LHX5: variants seen among roughly 807,000 people sequenced by gnomAD.
LHX5 encodes LIM/homeobox protein Lhx5.
A neutral mutation model predicts 30.6 loss-of-function variants in LHX5; 5 were observed. The ratio of observed to expected loss-of-function variants is 0.16; its 90% CI spans 0.09 to 0.34. The LOEUF (loss-of-function observed/expected upper bound fraction) is 0.34. Among genes scored for constraint, LHX5 ranks in the 10% least tolerant of loss-of-function variants. The pLI is 1.00. For missense variants in LHX5, 458 were observed against 570.6 expected (o/e 0.80, Z 2.01); for synonymous variants, 266 against 252.6 (o/e 1.05, Z -0.50).
In LHX5 at chr12:113,467,455, C is replaced by T. The variant is rs1371221560; in HGVS notation, c.676-34G>A. ...GAGGAGGGGGCTGTGAACCCAGGAT[C>T]AGGAGTGTCCTCTCCCCCCCTCTTC... is the stretch of plus-strand genomic sequence containing the variant. On this transcript the variant is annotated intron_variant, in intron 3 of 4. Coordinates refer to ENST00000261731, the MANE Select transcript of LHX5 (RefSeq NM_022363.3). This position sits in a 1 kb window ranked among gnomAD's most constrained non-coding sequence, Gnocchi z 6.3. The T allele has an allele frequency of 6.9e-7, 1 of 1,445,128 alleles. No homozygotes were observed. 89.5% of individuals were successfully genotyped at this position (1,445,128 alleles called of 1,614,324 possible).
rs745532026 is a variant in LHX5 at position 113,468,328 on chromosome 12, G to A, written c.474C>T (p.Asn158=). The part of the protein sequence containing the change: ...ALQDDPKETD[N]STSSDKETAN... ...CCGTCTCCTTGTCCGACGAGGTCGA[G>A]TTGTCCGTCTCTTTGGGGTCGTCCT... The change falls in exon 3 of 5, where the codon AAC becomes AAT. Residue 158 remains asparagine, a synonymous_variant. Coordinates refer to ENST00000261731, the MANE Select transcript of LHX5 (RefSeq NM_022363.3). 5 of 1,614,052 alleles carry A rather than the reference G, an allele frequency of 3.1e-6. No homozygotes were observed. Among genetic ancestry groups the A allele is most frequent in the African/African-American group, 2.7e-5 (2 of 74,944 alleles).
intron 3 of LHX5, 59 bp downstream of exon 3, chr12:113,468,068 C>G: frequency 6.9e-7 from 1 of 1,457,868 alleles, no homozygotes; most frequent in Non-Finnish European, 9.0e-7. Context: ...GAGACTCCTC[C>G]GAGGCTCCCG....
rs1214691518 is a variant in LHX5, at chr12:113,466,097, TG to T, written c.841+1158del. ...CCCTTCCCTTCTGCGTCTACCTGGG[TG>T]CCTAGCTCCTGCCTTGCTAACACTG... On this transcript the variant is annotated intron_variant, in intron 4 of 4. Coordinates refer to ENST00000261731, the MANE Select transcript of LHX5 (RefSeq NM_022363.3). The surrounding 1 kb of genome is among the most constrained non-coding windows in gnomAD (Gnocchi z 6.5). 6.6e-6 allele frequency among the ~76,000 whole-genome samples: 1 copy of T among 152,188 alleles called. No homozygotes were observed. Among genetic ancestry groups the T allele is most frequent in the African/African-American group, 2.4e-5 (1 of 41,456 alleles).
rs1016444795 is a variant in LHX5 at position 113,468,256 on chromosome 12, G to A, written c.546C>T (p.Gly182=). 23 of 1,613,986 alleles carry A rather than the reference G, an allele frequency of 1.4e-5. No individual in the cohort carries two copies. Among genetic ancestry groups the A allele is most frequent in the Non-Finnish European group, 1.8e-5 (21 of 1,179,960 alleles). ...EEQNSGTKRR[G]PRTTIKAKQL... is the part of the protein sequence containing the mutation. ...GCTTGGCCTTGATGGTGGTGCGGGGGCCGCGCCGCTTGGTGCCCGAGTTCT... is the reference window on the plus strand; with the variant it reads ...GCTTGGCCTTGATGGTGGTGCGGGGACCGCGCCGCTTGGTGCCCGAGTTCT... The change falls in exon 3 of 5, where the codon GGC becomes GGT. Residue 182 remains glycine, a synonymous_variant. Transcript: ENST00000261731.
In LHX5 at chr12:113,465,157, G is replaced by A. The variant is rs1958204831; in HGVS notation, c.842-1600C>T. Reference sequence around the variant, plus strand: ...GTCCAAATGGGGGGTGTCTGGAGGCGTGGCTTGGAGGCAGTTTAAGCAACA... The same window carrying A: ...GTCCAAATGGGGGGTGTCTGGAGGCATGGCTTGGAGGCAGTTTAAGCAACA... On this transcript the variant is annotated intron_variant, in intron 4 of 4. Coordinates refer to ENST00000261731, the MANE Select transcript of LHX5 (RefSeq NM_022363.3). This position sits in a 1 kb window ranked among gnomAD's most constrained non-coding sequence, Gnocchi z 6.7. Among the ~76,000 whole-genome samples, 1 of 152,248 alleles carries A rather than the reference G, an allele frequency of 6.6e-6. No individual in the cohort carries two copies. The highest frequency in any genetic ancestry group is 6.5e-5 in the Admixed American group (1 of 15,290).
rs1304339491 is a variant in LHX5, at chr12:113,465,640, A to C, written c.841+1616T>G. On this transcript the variant is annotated intron_variant, in intron 4 of 4. Transcript: ENST00000261731. This position sits in a 1 kb window ranked among gnomAD's most constrained non-coding sequence, Gnocchi z 6.7. ...ACCTCATCCAGCGCGCAGGGAGAGGAGGCGGTGGGATAGGTCGGGGCGGGG... is the reference window on the plus strand; with the variant it reads ...ACCTCATCCAGCGCGCAGGGAGAGGCGGCGGTGGGATAGGTCGGGGCGGGG... 6.6e-6 allele frequency among the ~76,000 whole-genome samples: 1 copy of C among 152,110 alleles called. No homozygotes were observed. The highest frequency in any genetic ancestry group is 2.1e-4 in the South Asian group (1 of 4,826).
In LHX5 at chr12:113,467,246, C is replaced by A; in HGVS notation, c.841+10G>T. ...AGGTGCGGAACAGCGAATCCCGGGG[C>A]GCCCCTTACCTCCGTAGTAGGTGTA... is the stretch of plus-strand genomic sequence containing the variant. On this transcript the variant is annotated intron_variant, in intron 4 of 4. Coordinates refer to ENST00000261731, the MANE Select transcript of LHX5 (RefSeq NM_022363.3). The surrounding 1 kb of genome is among the most constrained non-coding windows in gnomAD (Gnocchi z 6.3). The A allele has an allele frequency of 1.4e-6, 2 of 1,437,416 alleles. No homozygotes were observed. Among genetic ancestry groups the A allele is most frequent in the East Asian group, 2.7e-5 (1 of 37,510 alleles). 89.0% of individuals were successfully genotyped at this position (1,437,416 alleles called of 1,614,324 possible).
chr12:113,469,078 AG>A, intron 2 of LHX5, 43 bp downstream of exon 2: 1 of 1,444,298 alleles, frequency 6.9e-7, no homozygotes, highest in Non-Finnish European at 9.5e-7. Context: ...GCACGGTGGG[AG>A]GGTGCTAAGG....
Position 113,471,339 on chromosome 12 carries a change from T to C in LHX5, c.160A>G (p.Asn54Asp). The change falls in exon 1 of 5, where the codon AAT becomes GAT. Residue 54 changes from asparagine (N) to aspartate (D), a missense_variant. Physicochemically the swap from Asn to Asp is conservative, Grantham distance 23. This residue lies in a region of LHX5 where 178 missense variants were observed against 238.5 expected (regional missense o/e 0.75). Coordinates refer to ENST00000261731, the MANE Select transcript of LHX5 (RefSeq NM_022363.3). ...GCGGCCTCTTACCTGAAAAAGTCAT[T>C]TTTGCAGTAGAGCTTGCCCTCGCGC... ...FSREGKLYCKNDFFRRFGTKC... is the reference protein window; with the variant it reads ...FSREGKLYCKDDFFRRFGTKC... The C allele has an allele frequency of 6.2e-7, 1 of 1,613,836 alleles. No individual in the cohort carries two copies. The highest frequency in any genetic ancestry group is 8.5e-7 in the Non-Finnish European group (1 of 1,179,884).
At position 113,462,076 on chromosome 12, in the gene LHX5, A is replaced by G. The variant is rs1275824811; in HGVS notation, c.*1114T>C. On this transcript the variant is annotated 3_prime_UTR_variant, in exon 5 of 5. Coordinates refer to ENST00000261731, the MANE Select transcript of LHX5 (RefSeq NM_022363.3). ...TTTTTATTAATCTTTCTCTTTAAAA[A>G]AAGTTGATTTTTTTTGTTTTTGTTT... 2 of 150,610 alleles carry G rather than the reference A, an allele frequency of 1.3e-5. No homozygotes were observed. The highest frequency in any genetic ancestry group is 4.9e-5 in the African/African-American group (2 of 40,530). The allele number at this position is 150,610 out of a possible 1,614,324, so 9.3% of individuals were successfully genotyped here. A position where few individuals can be genotyped will look rare whatever the true frequency, so the allele number is the denominator to read the frequency against.
rs761072901 is a variant in LHX5 at position 113,467,472 on chromosome 12, C to T, written c.676-51G>A. The T allele has an allele frequency of 1.5e-6, 2 of 1,374,136 alleles. No homozygotes were observed. The highest frequency in any genetic ancestry group is 1.5e-5 in the African/African-American group (1 of 67,424). 85.1% of individuals were successfully genotyped at this position (1,374,136 alleles called of 1,614,324 possible). A position where few individuals can be genotyped will look rare whatever the true frequency, so the allele number is the denominator to read the frequency against. On this transcript the variant is annotated intron_variant, in intron 3 of 4. Coordinates refer to ENST00000261731, the MANE Select transcript of LHX5 (RefSeq NM_022363.3). This position sits in a 1 kb window ranked among gnomAD's most constrained non-coding sequence, Gnocchi z 6.3. The stretch of plus-strand genomic sequence containing the variant: ...CCCAGGATCAGGAGTGTCCTCTCCC[C>T]CCCTCTTCTCCCTTCCCTGACTGGG...
rs1322013079 is a variant in LHX5, at chr12:113,465,189, AC to A, written c.842-1633del. Among the ~76,000 whole-genome samples, 1 of 152,242 alleles carries A rather than the reference AC, an allele frequency of 6.6e-6. No homozygotes were observed. Among genetic ancestry groups the A allele is most frequent in the African/African-American group, 2.4e-5 (1 of 41,468 alleles). ...GGAGGCAGTTTAAGCAACAGCTAAA[AC>A]GGTTGCCAATTACTTTTTAAAACCA... On this transcript the variant is annotated intron_variant, in intron 4 of 4. Coordinates refer to ENST00000261731, the MANE Select transcript of LHX5 (RefSeq NM_022363.3). The surrounding 1 kb of genome is among the most constrained non-coding windows in gnomAD (Gnocchi z 6.7).
Position 113,471,712 on chromosome 12 carries a change from C to T in LHX5, c.-214G>A. 1 of 503,194 alleles carries T rather than the reference C, an allele frequency of 2.0e-6. No individual in the cohort carries two copies. Among genetic ancestry groups the T allele is most frequent in the Non-Finnish European group, 3.5e-6 (1 of 288,264 alleles). 31.2% of individuals were successfully genotyped at this position (503,194 alleles called of 1,614,324 possible). ...GGTGGTGGGGGGCGGGTGGCGTTCA[C>T]AACCTCATGCCACGGGCCGCACGCC... is the stretch of plus-strand genomic sequence containing the variant. On this transcript the variant is annotated 5_prime_UTR_variant, in exon 1 of 5. In the 5' UTR this introduces an upstream ATG that the reference lacks. Transcript: ENST00000261731.
Position 113,463,082 on chromosome 12 carries a change from G to A in LHX5, c.*108C>T. 4 of 984,720 alleles carry A rather than the reference G, an allele frequency of 4.1e-6. No homozygotes were observed. The highest frequency in any genetic ancestry group is 5.6e-6 in the Non-Finnish European group (4 of 708,734). The allele number at this position is 984,720 out of a possible 1,614,324, so 61.0% of individuals were successfully genotyped here. On this transcript the variant is annotated 3_prime_UTR_variant, in exon 5 of 5. Transcript: ENST00000261731. This position sits in a 1 kb window ranked among gnomAD's most constrained non-coding sequence, Gnocchi z 6.7. ...AGTGCGGACCCGAGAGAGAACCCCC[G>A]AGGGACACCCACGTCTCCCACCGCG...
rs1240854647 is a variant in LHX5, at chr12:113,463,242, C to G, written c.1157G>C (p.Ser386Thr). The G allele has an allele frequency of 6.5e-7, 1 of 1,526,926 alleles. No individual in the cohort carries two copies. The highest frequency in any genetic ancestry group is 2.0e-5 in the Admixed American group (1 of 49,790). The allele number at this position is 1,526,926 out of a possible 1,614,324, so 94.6% of individuals were successfully genotyped here. ...PFPMSGTSGYSGPLSHPNPEL... is the reference protein window; with the variant it reads ...PFPMSGTSGYTGPLSHPNPEL... ...GGGGTTGGGATGCGACAGGGGTCCG[C>G]TGTAGCCGCTGGTGCCGCTCATTGG... The change falls in exon 5 of 5, where the codon AGC becomes ACC. Residue 386 changes from serine (S) to threonine (T), a missense_variant. Ser to Thr is a moderately conservative substitution (Grantham distance 58). Transcript: ENST00000261731. This position sits in a 1 kb window ranked among gnomAD's most constrained non-coding sequence, Gnocchi z 6.7.
chr12:113,467,166 A>G lies in LHX5; in HGVS notation c.841+90T>C. ...GTCCAGCGAGTGGGCGATGTTCTGG[A>G]GCGGCGGAAAGCGTGCTGGCCGGGA... On this transcript the variant is annotated intron_variant, in intron 4 of 4. Transcript: ENST00000261731. The surrounding 1 kb of genome is among the most constrained non-coding windows in gnomAD (Gnocchi z 6.3). 7.9e-7 allele frequency: 1 copy of G among 1,271,128 alleles called. No individual in the cohort carries two copies. The highest frequency in any genetic ancestry group is 1.0e-6 in the Non-Finnish European group (1 of 973,674). The allele number at this position is 1,271,128 out of a possible 1,614,324, so 78.7% of individuals were successfully genotyped here.
In LHX5 at chr12:113,465,378, C is replaced by T. The variant is rs1029612990; in HGVS notation, c.842-1821G>A. ...GCGCCGCCTCCGCCCATATGGCGGC[C>T]GGGCCGGAGGTAATTGGAACAAACG... On this transcript the variant is annotated intron_variant, in intron 4 of 4. Transcript: ENST00000261731. This position sits in a 1 kb window ranked among gnomAD's most constrained non-coding sequence, Gnocchi z 6.7. Among the ~76,000 whole-genome samples, 3 of 152,192 alleles carry T rather than the reference C, an allele frequency of 2.0e-5. No homozygotes were observed. Among genetic ancestry groups the T allele is most frequent in the Non-Finnish European group, 4.4e-5 (3 of 68,028 alleles).
rs752924985 is a variant in LHX5, at chr12:113,469,108, C to T, written c.397+14G>A. The T allele has an allele frequency of 1.3e-6, 2 of 1,599,270 alleles. No homozygotes were observed. The highest frequency in any genetic ancestry group is 1.7e-6 in the Non-Finnish European group (2 of 1,171,188). On this transcript the variant is annotated intron_variant, in intron 2 of 4. Transcript: ENST00000261731. ...GCTAAGGCCTAAGGCTAGTGAGGGG[C>T]CCAGGCTTCCTACCTGAGTTGAGGC...
intron 1 of LHX5, 150 bp from the exon 2 acceptor site, chr12:113,469,495 T>C: frequency 1.5e-6 from 1 of 670,236 alleles, no homozygotes; most frequent in Non-Finnish European, 2.5e-6. Flanking sequence ...CTGGCCAGAG[T>C]GGGAGAAGTG....
Sources: gnomAD v4.1 joint callset for allele counts (sites outside exome capture counted in the v4.1 genomes callset) on GRCh38, gnomAD v4.1.1 for gene constraint, gnomAD v4.1.1 regional missense constraint, Gnocchi (gnomAD v3.1) non-coding constraint, MANE v1.5 for transcripts, NCBI Gene and HGNC (gene_info 2026-07-23, HGNC 2026-07-21) for gene names.